Variants in ATF6 observed in about 807,000 individuals in gnomAD.
The protein encoded by ATF6 is cyclic AMP-dependent transcription factor ATF-6 alpha.
Under a neutral mutation model 83.6 loss-of-function variants are expected in ATF6, and 53 were observed. The ratio of observed to expected loss-of-function variants is 0.63; its 90% confidence interval spans 0.51 to 0.80. The LOEUF is 0.80. Ranked by LOEUF, ATF6 falls within the 30% of genes least tolerant of loss-of-function variation. ATF6 has a pLI of 0.00. For missense variants in ATF6, 744 were observed against 797.9 expected (o/e 0.93, Z 0.81); for synonymous variants, 288 against 285.8 (o/e 1.01, Z -0.08).
chr1:161,799,265 T>A (rs1203180880), intron 6 of ATF6, among the ~76,000 whole-genome samples: 1 of 152,132 alleles, frequency 6.6e-6, no homozygotes, highest in African/African-American at 2.4e-5. Context: ...AAGAATGAAA[T>A]CATGTTCTTT....
intron 1 of ATF6, among the ~76,000 whole-genome samples, chr1:161,767,046 G>A (rs1684281589): frequency 6.6e-6 from 1 of 152,112 alleles, no homozygotes; most frequent in Admixed American, 6.6e-5. Flanking sequence ...TGGATATTTT[G>A]TTTGGTTTTG....
At chr1:161,934,672 C>G (rs191986399) in intron 15 of ATF6, among the ~76,000 whole-genome samples, 181 of 152,300 alleles carry the variant, frequency 1.2e-3, no homozygotes, top group African/African-American at 4.1e-3. Flanking sequence ...ATTTTTTCCC[C>G]TGTATTTTAC....
At chr1:161,953,018 C>T (rs1218433328) in intron 15 of ATF6, among the ~76,000 whole-genome samples, 1 of 152,144 alleles carries the variant, frequency 6.6e-6, no homozygotes, top group African/African-American at 2.4e-5. Flanking sequence ...TCATCTACAA[C>T]ATAGGAATAA....
intron 13 of ATF6, among the ~76,000 whole-genome samples, chr1:161,860,637 T>C (rs969539111): frequency 6.6e-6 from 1 of 152,012 alleles, no homozygotes; most frequent in Non-Finnish European, 1.5e-5. Context: ...GAGTGCTCTG[T>C]ACCAGGTGTC....
At chr1:161,777,997 G>A (rs1684556956) in intron 1 of ATF6, among the ~76,000 whole-genome samples, 1 of 152,126 alleles carries the variant, frequency 6.6e-6, no homozygotes, top group Non-Finnish European at 1.5e-5. Flanking sequence ...AGTCTTACAT[G>A]ACATATGACA....
chr1:161,941,939 C>T (rs1688653562), intron 15 of ATF6, among the ~76,000 whole-genome samples: 1 of 151,934 alleles, frequency 6.6e-6, no homozygotes, highest in African/African-American at 2.4e-5. Context: ...TTCGAAGTCA[C>T]GTCCTACTCC....
chr1:161,798,286 G>A (rs973607710), intron 6 of ATF6, among the ~76,000 whole-genome samples: 13 of 152,114 alleles, frequency 8.5e-5, no homozygotes, highest in Non-Finnish European at 1.5e-4. Flanking sequence ...AAAAGCAATC[G>A]CAACAAAAAC....
rs17416424 is a variant in ATF6, at chr1:161,813,501, T to C, written c.910-6132T>C. The stretch of plus-strand genomic sequence containing the variant: ...TGTACACAGTCCACAGTAAGAAATG[T>C]ATTTAACCTCTCTTTCTCTCTTATA... On this transcript the variant is annotated intron_variant, in intron 7 of 15. Coordinates refer to ENST00000367942, the MANE Select transcript of ATF6 (RefSeq NM_007348.4). Among the ~76,000 whole-genome samples the C allele has an allele frequency of 9.8e-3, 1,497 of 152,316 alleles. 8 individuals carry two copies. Among genetic ancestry groups the C allele is most frequent in the South Asian group, 0.017 (84 of 4,828 alleles).
intron 11 of ATF6, 106 bp from the exon 12 acceptor site, chr1:161,853,118 C>A: frequency 1.3e-6 from 1 of 798,432 alleles, no homozygotes; most frequent in Non-Finnish European, 1.9e-6. Flanking sequence ...TTGGAATGCT[C>A]TTTGGAACCT....
intron 14 of ATF6, among the ~76,000 whole-genome samples, chr1:161,887,457 A>G (rs1284075660): frequency 6.6e-6 from 1 of 152,206 alleles, no homozygotes; most frequent in Non-Finnish European, 1.5e-5. Flanking sequence ...TGTAAGATCC[A>G]TTGCAACCTG....
chr1:161,942,542 C>G (rs564250933), intron 15 of ATF6, among the ~76,000 whole-genome samples: 26 of 152,346 alleles, frequency 1.7e-4, no homozygotes, highest in African/African-American at 6.0e-4. Flanking sequence ...CCTGATGTCT[C>G]TCCACTGTGC....
intron 9 of ATF6, among the ~76,000 whole-genome samples, chr1:161,846,119 A>G (rs1686480916): frequency 6.6e-6 from 1 of 152,120 alleles, no homozygotes; most frequent in Admixed American, 6.6e-5. Context: ...TTGGAGTTTA[A>G]AATTTGTTTT....
chr1:161,853,467 C>T (rs930240637), intron 12 of ATF6, 144 bp downstream of exon 12: 9 of 678,270 alleles, frequency 1.3e-5, no homozygotes, highest in Non-Finnish European at 2.1e-5. Flanking sequence ...ATGCAGCTAT[C>T]ATTGCCACTG....
chr1:161,849,705 TA>T lies in ATF6; in HGVS notation c.1320-2016del, dbSNP rs1308417473. Among the ~76,000 whole-genome samples, 5 of 89,738 alleles carry T rather than the reference TA, an allele frequency of 5.6e-5. No individual in the cohort carries two copies. In the African/African-American group the frequency reaches 7.8e-4, roughly 14 times the overall value. 58.9% of individuals were successfully genotyped at this position (89,738 alleles called of 152,430 possible). ...TTTCTTTCTGCCTAGGTGACTCATCTATAATTTCATGCACAGTTCATATCTA... is the reference window on the plus strand; with the variant it reads ...TTTCTTTCTGCCTAGGTGACTCATCTTAATTTCATGCACAGTTCATATCTA... On this transcript the variant is annotated intron_variant, in intron 10 of 15. Coordinates refer to ENST00000367942, the MANE Select transcript of ATF6 (RefSeq NM_007348.4).
chr1:161,930,146 G>A (rs962977543), intron 15 of ATF6, among the ~76,000 whole-genome samples: 7 of 152,180 alleles, frequency 4.6e-5, no homozygotes, highest in African/African-American at 1.2e-4. Context: ...TACTCAAGCC[G>A]ATTGTATGTT....
chr1:161,790,703 C>T (rs1007910824), intron 4 of ATF6, among the ~76,000 whole-genome samples: 5 of 151,896 alleles, frequency 3.3e-5, no homozygotes, highest in African/African-American at 1.2e-4. Flanking sequence ...TGTAGCTACT[C>T]GGGAGGCTAA....
chr1:161,887,059 G>C (rs899353042), intron 14 of ATF6, among the ~76,000 whole-genome samples: 5 of 151,906 alleles, frequency 3.3e-5, no homozygotes, highest in Non-Finnish European at 5.9e-5. Flanking sequence ...TAACTACATT[G>C]TAAAATGAAG....
At chr1:161,932,486 A>G (rs1471245630) in intron 15 of ATF6, among the ~76,000 whole-genome samples, 4 of 152,284 alleles carry the variant, frequency 2.6e-5, no homozygotes, top group Admixed American at 2.6e-4. Flanking sequence ...TTCAAAGCTA[A>G]AAAAATTCTA....
intron 15 of ATF6, among the ~76,000 whole-genome samples, chr1:161,956,678 A>G (rs1319194597): frequency 3.9e-5 from 6 of 152,256 alleles, no homozygotes; most frequent in African/African-American, 1.4e-4. Context: ...GAAGGAAATT[A>G]ACTTCAACTA....
Sources: gnomAD v4.1 joint callset for allele counts (sites outside exome capture counted in the v4.1 genomes callset) on GRCh38, gnomAD v4.1.1 for gene constraint, MANE v1.5 for transcripts, NCBI Gene and HGNC (gene_info 2026-07-23, HGNC 2026-07-21) for gene names.